The following SORD variants were observed in gnomAD, a reference collection of about 807,000 sequenced individuals.
The protein encoded by SORD is sorbitol dehydrogenase, also known as (R,R)-butanediol dehydrogenase.
SORD carries 18 observed loss-of-function variants against 35.6 expected under a neutral mutation model. That is an observed-to-expected ratio of 0.51 (90% CI 0.35 to 0.75). The LOEUF is 0.75. Ranked by LOEUF, SORD falls within the 30% of genes least tolerant of loss-of-function variation. The pLI, the probability that SORD is intolerant of heterozygous loss-of-function variation, is 0.01. For synonymous variants in SORD, 106 were observed against 152.9 expected (o/e 0.69, Z 2.26); for missense variants, 250 against 390.2 (o/e 0.64, Z 3.03).
chr15:45,033,325 C>T (rs201782212), intron 1 of SORD, among the ~76,000 whole-genome samples: 1 of 150,920 alleles, frequency 6.6e-6, no homozygotes, highest in East Asian at 1.9e-4. Flanking sequence ...ATGCATCCTC[C>T]CATCTACTTT....
intron 1 of SORD, among the ~76,000 whole-genome samples, chr15:45,029,705 C>G (rs1892740792): frequency 1.3e-5 from 2 of 152,248 alleles, no homozygotes; most frequent in Admixed American, 1.3e-4. Flanking sequence ...GAGCTCTTGT[C>G]CAGTGTCCAA....
chr15:45,027,077 A>G (rs1365935836), intron 1 of SORD, among the ~76,000 whole-genome samples: 2 of 152,270 alleles, frequency 1.3e-5, no homozygotes, highest in Admixed American at 1.3e-4. Context: ...GGTAAGTCAG[A>G]CACACACTAA....
chr15:45,054,932 G>T (rs113037771), intron 3 of SORD, among the ~76,000 whole-genome samples: 2,269 of 152,114 alleles, frequency 0.015, 16 homozygotes, highest in Middle Eastern at 0.031. Context: ...TTTTTCTCAG[G>T]TTTGTCAAAG....
At chr15:45,058,702 T>G (rs1268791352) in intron 3 of SORD, 1 of 152,168 alleles carries the variant, frequency 6.6e-6, no homozygotes, top group Non-Finnish European at 1.5e-5. Flanking sequence ...GAAAGTTTAA[T>G]AAGTGAAAGA....
chr15:45,057,611 C>T (rs556121076), intron 3 of SORD, among the ~76,000 whole-genome samples: 10 of 152,068 alleles, frequency 6.6e-5, no homozygotes, highest in East Asian at 1.9e-4. Context: ...GGTGAAACCC[C>T]GTCTCTACTA....
At chr15:45,040,550 G>A (rs1240016937) in intron 2 of SORD, 109 bp downstream of exon 2, 2 of 861,064 alleles carry the variant, frequency 2.3e-6, no homozygotes, top group Non-Finnish European at 3.8e-6. Flanking sequence ...TATTACTTTT[G>A]CATCCATTAA....
intron 3 of SORD, among the ~76,000 whole-genome samples, chr15:45,057,809 G>T (rs1893241475): frequency 6.6e-6 from 1 of 152,040 alleles, no homozygotes; most frequent in Non-Finnish European, 1.5e-5. Context: ...AAGAAAGAAA[G>T]AAAAAAGATT....
At chr15:45,045,996 A>G (rs1046675275) in intron 3 of SORD, among the ~76,000 whole-genome samples, 3 of 151,996 alleles carry the variant, frequency 2.0e-5, no homozygotes, top group South Asian at 2.1e-4. Context: ...GCAAGACTCT[A>G]TCTCAAAACA....
At chr15:45,038,800 A>C (rs1046336294) in intron 1 of SORD, among the ~76,000 whole-genome samples, 7 of 152,214 alleles carry the variant, frequency 4.6e-5, no homozygotes, top group Admixed American at 1.3e-4. Context: ...TGCCTATGAA[A>C]GTAGCTAGTT....
chr15:45,047,449 C>T (rs564322475), intron 3 of SORD, among the ~76,000 whole-genome samples: 1 of 152,316 alleles, frequency 6.6e-6, no homozygotes, highest in South Asian at 2.1e-4. Context: ...CACAGCTTAT[C>T]ACTGTGTGAC....
chr15:45,061,694 C>T (rs1397789690), intron 4 of SORD, among the ~76,000 whole-genome samples: 2 of 151,830 alleles, frequency 1.3e-5, no homozygotes, highest in African/African-American at 4.8e-5. Context: ...GGTGAAACCC[C>T]ATCTCTACTA....
intron 1 of SORD, among the ~76,000 whole-genome samples, chr15:45,032,290 A>T (rs2457655): frequency 6.6e-6 from 1 of 152,062 alleles, no homozygotes; most frequent in South Asian, 2.1e-4. Flanking sequence ...TAAGATGGTA[A>T]ATTTTATGTT....
intron 1 of SORD, among the ~76,000 whole-genome samples, chr15:45,027,732 A>C (rs1204427712): frequency 2.6e-5 from 4 of 152,246 alleles, no homozygotes; most frequent in Non-Finnish European, 5.9e-5. Context: ...TTAATTAGGA[A>C]ATGAATTATG....
chr15:45,040,615 G>C (rs35939145), intron 2 of SORD, among the ~76,000 whole-genome samples, 174 bp downstream of exon 2: 10 of 152,254 alleles, frequency 6.6e-5, no homozygotes, highest in African/African-American at 1.2e-4. Context: ...AGCATGACCT[G>C]GTGGGAAGTT....
chr15:45,045,393 C>A (rs1893030298), intron 3 of SORD, among the ~76,000 whole-genome samples: 1 of 151,894 alleles, frequency 6.6e-6, no homozygotes, highest in Non-Finnish European at 1.5e-5. Flanking sequence ...ATTAGCCGGA[C>A]ATGGTGGCAC....
At chr15:45,055,749 C>T (rs565623714) in intron 3 of SORD, among the ~76,000 whole-genome samples, 1 of 152,344 alleles carries the variant, frequency 6.6e-6, no homozygotes, top group East Asian at 1.9e-4. Flanking sequence ...CAATAAAATA[C>T]TGGCAAACCA....
chr15:45,072,063 G>A, intron 7 of SORD: 1 of 58,670 alleles, frequency 1.7e-5, no homozygotes, highest in East Asian at 3.8e-4. Flanking sequence ...TGTTCCCACT[G>A]TGCCTGGTTC....
At chr15:45,063,862 T>C (rs1893362748) in intron 4 of SORD, among the ~76,000 whole-genome samples, 1 of 150,562 alleles carries the variant, frequency 6.6e-6, no homozygotes, top group South Asian at 2.1e-4. Context: ...AGAAGGAGTG[T>C]GACCGCAGTC....
chr15:45,073,878 A>G lies in SORD; in HGVS notation c.*348A>G, dbSNP rs375066751. On this transcript the variant is annotated 3_prime_UTR_variant, in exon 9 of 9. Transcript: ENST00000267814. ...TTCCTGGTTCCACTGCTACTGACCC[A>G]GAGGGGAATGAGGGCTGAGTTATGA... 27,220 of 120,894 alleles carry G rather than the reference A, an allele frequency of 0.23. 357 individuals carry two copies. The highest frequency in any genetic ancestry group is 0.39 in the African/African-American group (9,834 of 25,370). The allele number at this position is 120,894 out of a possible 1,614,324, so 7.5% of individuals were successfully genotyped here. A position where few individuals can be genotyped will look rare whatever the true frequency, so the allele number is the denominator to read the frequency against.
Sources: gnomAD v4.1 joint callset for allele counts (sites outside exome capture counted in the v4.1 genomes callset) on GRCh38, gnomAD v4.1.1 for gene constraint, MANE v1.5 for transcripts, NCBI Gene and HGNC (gene_info 2026-07-23, HGNC 2026-07-21) for gene names.